The following HECW2 variants were observed in gnomAD, a reference collection of about 807,000 sequenced individuals.
HECW2 encodes the protein E3 ubiquitin-protein ligase HECW2.
HECW2 carries 61 observed loss-of-function variants against 175.2 expected under a neutral mutation model. That is an observed-to-expected ratio of 0.35 (90% confidence interval 0.28 to 0.43). The LOEUF is 0.43. HECW2 is among the 20% of genes least tolerant of loss of function. The probability of loss-of-function intolerance (pLI) is 1.00; values close to 1 mark genes in which losing one functional copy is unlikely to be tolerated. For synonymous variants in HECW2, 671 were observed against 731.0 expected, an observed-to-expected ratio of 0.92 and a Z score of 1.32; for missense variants, 1,524 against 2,000.5, an observed-to-expected ratio of 0.76 and a Z score of 4.54.
intron 1 of HECW2, among the ~76,000 whole-genome samples, chr2:196,447,255 T>G (rs1696213971): frequency 6.6e-6 from 1 of 152,226 alleles, no homozygotes; most frequent in Non-Finnish European, 1.5e-5. Context: ...TAAGTGTTCA[T>G]GGCCCAGCTC....
At chr2:196,284,310 T>C (rs1690301306) in intron 14 of HECW2, among the ~76,000 whole-genome samples, 1 of 152,216 alleles carries the variant, frequency 6.6e-6, no homozygotes, top group African/African-American at 2.4e-5. Context: ...CCTATTTGTA[T>C]CCCACAAGGG....
chr2:196,450,773 G>A (rs1294152901), intron 1 of HECW2, among the ~76,000 whole-genome samples: 2 of 151,994 alleles, frequency 1.3e-5, no homozygotes, highest in Admixed American at 6.6e-5. Flanking sequence ...GAGCCACCAC[G>A]CCCAGCCCAA....
chr2:196,237,279 T>C (rs555956663), intron 21 of HECW2, among the ~76,000 whole-genome samples: 29 of 152,364 alleles, frequency 1.9e-4, no homozygotes, highest in African/African-American at 6.7e-4. Context: ...TCTGAGATTT[T>C]GGTGCACCAT....
chr2:196,257,768 A>G lies in HECW2; in HGVS notation c.3419+55T>C. 4 of 1,191,430 alleles carry G rather than the reference A, an allele frequency of 3.4e-6. No homozygotes were observed. In the South Asian group the frequency reaches 3.8e-5, roughly 11 times the overall value. 73.8% of individuals were successfully genotyped at this position (1,191,430 alleles called of 1,614,324 possible). On this transcript the variant is annotated intron_variant, in intron 18 of 28. Coordinates refer to ENST00000644978, the MANE Select transcript of HECW2 (RefSeq NM_001348768.2). ...GGCATATTATTTTCTACAATGTTCC[A>G]TGATATCTGATGACAAGAGACCTTC... is the stretch of plus-strand genomic sequence containing the variant.
At chr2:196,298,621 A>G (rs1054431848) in intron 13 of HECW2, among the ~76,000 whole-genome samples, 1 of 152,100 alleles carries the variant, frequency 6.6e-6, no homozygotes, top group Non-Finnish European at 1.5e-5. Flanking sequence ...TACATTAGGT[A>G]TATCTCCTAA....
At chr2:196,389,413 T>C (rs1460215103) in intron 2 of HECW2, among the ~76,000 whole-genome samples, 2 of 152,208 alleles carry the variant, frequency 1.3e-5, no homozygotes, top group African/African-American at 4.8e-5. Context: ...GACTAGGATG[T>C]GGTGGATACC....
At chr2:196,245,338 T>C (rs1307443219) in intron 19 of HECW2, among the ~76,000 whole-genome samples, 1 of 152,186 alleles carries the variant, frequency 6.6e-6, no homozygotes, top group African/African-American at 2.4e-5. Flanking sequence ...AAAATGAAGG[T>C]GCAGTTTCCT....
intron 23 of HECW2, among the ~76,000 whole-genome samples, chr2:196,225,403 G>C (rs1176924632): frequency 6.6e-6 from 1 of 152,114 alleles, no homozygotes; most frequent in Admixed American, 6.5e-5. Flanking sequence ...AAAGGAGAGG[G>C]GGGCTGTGAG....
intron 2 of HECW2, among the ~76,000 whole-genome samples, chr2:196,384,448 G>A (rs1314742454): frequency 6.6e-6 from 1 of 152,028 alleles, no homozygotes; most frequent in Admixed American, 6.6e-5. Flanking sequence ...CAAGCATGGT[G>A]GCATCCGCCT....
At chr2:196,370,860 G>A (rs907110400) in intron 2 of HECW2, among the ~76,000 whole-genome samples, 5 of 152,116 alleles carry the variant, frequency 3.3e-5, no homozygotes, top group East Asian at 1.9e-4. Context: ...TCCCCTAAGC[G>A]CACAGATTCT....
rs563513318 is a variant in HECW2, at chr2:196,214,429, C to T, written c.4607+1436G>A. On this transcript the variant is annotated intron_variant, in intron 28 of 28. Transcript: ENST00000644978. ...ACAAAAAGCTGACCATTAATCTACC[C>T]TTTCCTTCTTCAATGCAAATTCTTA... Among the ~76,000 whole-genome samples, 19 of 152,354 alleles carry T rather than the reference C, an allele frequency of 1.2e-4. No homozygotes were observed. The South Asian group carries it at 3.9e-3, about 32-fold the overall frequency.
chr2:196,413,999 T>C (rs1695187435), intron 2 of HECW2, among the ~76,000 whole-genome samples: 1 of 152,198 alleles, frequency 6.6e-6, no homozygotes, highest in Non-Finnish European at 1.5e-5. Flanking sequence ...TTGCTGGTGA[T>C]CACTACTCTG....
chr2:196,592,859 C>A (rs1445044742), intron 1 of HECW2: 1 of 150,274 alleles, frequency 6.7e-6, no homozygotes, highest in Non-Finnish European at 1.5e-5. Context: ...GGACCCGCGG[C>A]CCCGGCGCCC....
intron 19 of HECW2, 38 bp downstream of exon 19, chr2:196,253,882 T>C (rs778977552): frequency 6.3e-7 from 1 of 1,593,448 alleles, no homozygotes. Flanking sequence ...GAAGGTTCAC[T>C]CCTCAGAGAA....
intron 14 of HECW2, among the ~76,000 whole-genome samples, chr2:196,279,954 A>G (rs1690125364): frequency 6.6e-6 from 1 of 152,224 alleles, no homozygotes; most frequent in African/African-American, 2.4e-5. Flanking sequence ...TTGCAGTAAG[A>G]TGGACTACAA....
intron 1 of HECW2, among the ~76,000 whole-genome samples, chr2:196,565,792 T>C (rs890040690): frequency 2.0e-5 from 3 of 152,144 alleles, no homozygotes; most frequent in African/African-American, 7.2e-5. Context: ...TAAAGAATAA[T>C]TGTTTGTGGA....
At chr2:196,557,560 G>A (rs1689845867) in intron 1 of HECW2, among the ~76,000 whole-genome samples, 1 of 151,968 alleles carries the variant, frequency 6.6e-6, no homozygotes, top group Admixed American at 6.6e-5. Flanking sequence ...TTCCAACTCA[G>A]CCCAAGGGGA....
intron 1 of HECW2, among the ~76,000 whole-genome samples, chr2:196,564,657 GA>G (rs997948142): frequency 6.6e-6 from 1 of 151,954 alleles, no homozygotes; most frequent in Non-Finnish European, 1.5e-5. Flanking sequence ...AAAATTGAGG[GA>G]AAGAGGAAAT....
At chr2:196,374,949 T>C (rs867580851) in intron 2 of HECW2, among the ~76,000 whole-genome samples, 20 of 151,162 alleles carry the variant, frequency 1.3e-4, no homozygotes, top group South Asian at 4.2e-4. Context: ...GATCACAAGG[T>C]CAGGAGTTCA....
Sources: gnomAD v4.1 joint callset for allele counts (sites outside exome capture counted in the v4.1 genomes callset) on GRCh38, gnomAD v4.1.1 for gene constraint, MANE v1.5 for transcripts, NCBI Gene and HGNC (gene_info 2026-07-23, HGNC 2026-07-21) for gene names.